The following FNIP1 variants were observed in gnomAD, a reference collection of about 807,000 sequenced individuals.
FNIP1 encodes folliculin interacting protein 1.
In FNIP1, 40 loss-of-function variants were observed where a neutral mutation model predicts 124.5. That is an observed-to-expected ratio of 0.32 (90% CI 0.25 to 0.42). The LOEUF (loss-of-function observed/expected upper bound fraction) is 0.42, where lower values mean the gene tolerates loss of function less well. Ranked by LOEUF, FNIP1 falls within the 10% of genes least tolerant of loss-of-function variation. FNIP1 has a pLI of 1.00. For synonymous variants in FNIP1, 472 were observed against 470.6 expected (o/e 1.00, Z -0.04); for missense variants, 1,176 against 1,403.7 (o/e 0.84, Z 2.59).
chr5:131,780,623 C>G (rs1031414083), intron 1 of FNIP1, among the ~76,000 whole-genome samples: 1 of 151,814 alleles, frequency 6.6e-6, no homozygotes, highest in Admixed American at 6.6e-5. Flanking sequence ...ATTATTTGAC[C>G]TATTATGGTG....
chr5:131,771,580 T>C (rs1771634733), intron 1 of FNIP1, among the ~76,000 whole-genome samples: 1 of 152,156 alleles, frequency 6.6e-6, no homozygotes, highest in African/African-American at 2.4e-5. Context: ...AGTCTACTCA[T>C]CCAGACACTC....
chr5:131,688,891 T>C (rs150105781), intron 11 of FNIP1, among the ~76,000 whole-genome samples: 1 of 151,760 alleles, frequency 6.6e-6, no homozygotes, highest in African/African-American at 2.4e-5. Flanking sequence ...AAAGTATACA[T>C]GTAATAAATA....
chr5:131,765,175 C>G (rs1390786799), intron 1 of FNIP1, among the ~76,000 whole-genome samples: 1 of 151,782 alleles, frequency 6.6e-6, no homozygotes, highest in African/African-American at 2.4e-5. Flanking sequence ...TGAGCTGTGA[C>G]AATGTTACTG....
chr5:131,717,230 A>G (rs915368946), intron 5 of FNIP1, among the ~76,000 whole-genome samples: 1 of 151,210 alleles, frequency 6.6e-6, no homozygotes, highest in African/African-American at 2.4e-5. Context: ...GAGTGAGAAC[A>G]TGTGGTGTTT....
At chr5:131,731,069 T>A in intron 2 of FNIP1, 31 bp from the exon 3 acceptor site, 1 of 1,578,898 alleles carries the variant, frequency 6.3e-7, no homozygotes, top group Non-Finnish European at 8.6e-7. Flanking sequence ...ACTCATGTTT[T>A]AACAGATTTT....
rs146276023 is a variant in FNIP1 at position 131,689,602 on chromosome 5, T to G, written c.1202+9315A>C. ...CCCTGTGAAGCAGTACATGGTTATT[T>G]GAAAGTTGTAAATGTGTATTGCCAA... is the stretch of plus-strand genomic sequence containing the variant. On this transcript the variant is annotated intron_variant, in intron 11 of 17. Coordinates refer to ENST00000510461, the MANE Select transcript of FNIP1 (RefSeq NM_133372.3). Among the ~76,000 whole-genome samples, 4 of 152,300 alleles carry G rather than the reference T, an allele frequency of 2.6e-5. No individual in the cohort carries two copies. In the East Asian group the frequency reaches 5.8e-4, roughly 22 times the overall value.
At chr5:131,672,980 G>T in intron 13 of FNIP1, 56 bp from the exon 14 acceptor site, 3 of 1,257,830 alleles carry the variant, frequency 2.4e-6, no homozygotes, top group Non-Finnish European at 3.3e-6. Context: ...AGCTAAGTAA[G>T]CTATTTTTAA....
At chr5:131,683,319 C>G (rs189225759) in intron 11 of FNIP1, among the ~76,000 whole-genome samples, 8 of 151,828 alleles carry the variant, frequency 5.3e-5, no homozygotes, top group Non-Finnish European at 8.8e-5. Context: ...GAGGCCGAGG[C>G]AGGCAGATCA....
intron 1 of FNIP1, among the ~76,000 whole-genome samples, chr5:131,756,077 G>A (rs1771042633): frequency 6.6e-6 from 1 of 151,950 alleles, no homozygotes. Context: ...GTTGCAGAAA[G>A]ACCAAAATTT....
intron 1 of FNIP1, among the ~76,000 whole-genome samples, chr5:131,771,044 C>T (rs1454417315): frequency 8.5e-5 from 13 of 152,144 alleles, no homozygotes; most frequent in Non-Finnish European, 1.8e-4. Flanking sequence ...CCCACTAACT[C>T]GTCATCTAGC....
rs778103938 is a variant in FNIP1 at position 131,670,645 on chromosome 5, G to A, written c.2940-14C>T. 2 of 1,560,850 alleles carry A rather than the reference G, an allele frequency of 1.3e-6. No homozygotes were observed. The highest frequency in any genetic ancestry group is 2.3e-5 in the East Asian group (1 of 43,422). ...ATTAACTTTGACCTGGAAGAAAAAT[G>A]CCCCCAAAAGACATTTATTTAGTAA... On this transcript the variant is annotated splice_polypyrimidine_tract_variant and intron_variant, in intron 14 of 17. Coordinates refer to ENST00000510461, the MANE Select transcript of FNIP1 (RefSeq NM_133372.3).
rs943169637 is a variant in FNIP1 at position 131,735,515 on chromosome 5, C to T, written c.220-4477G>A. The stretch of plus-strand genomic sequence containing the variant: ...TATACGTATAAAATATGTATATATA[C>T]GTATATACATATATACGTATTTATA... On this transcript the variant is annotated intron_variant, in intron 2 of 17. Transcript: ENST00000510461. Among the ~76,000 whole-genome samples the T allele has an allele frequency of 9.6e-5, 14 of 146,574 alleles. No individual in the cohort carries two copies. The South Asian group carries it at 1.5e-3, about 15-fold the overall frequency.
At chr5:131,669,011 G>C (rs1459107006) in intron 15 of FNIP1, among the ~76,000 whole-genome samples, 1 of 152,054 alleles carries the variant, frequency 6.6e-6, no homozygotes, top group African/African-American at 2.4e-5. Flanking sequence ...CAAAATTCAG[G>C]AACAAAAGAG....
At chr5:131,667,471 G>A (rs996602928) in intron 15 of FNIP1, among the ~76,000 whole-genome samples, 2 of 152,170 alleles carry the variant, frequency 1.3e-5, no homozygotes, top group Admixed American at 6.5e-5. Context: ...ACTTTCTACA[G>A]ACACAGAAGG....
chr5:131,731,527 G>A (rs1770092639), intron 2 of FNIP1, among the ~76,000 whole-genome samples: 1 of 151,946 alleles, frequency 6.6e-6, no homozygotes, highest in Non-Finnish European at 1.5e-5. Flanking sequence ...GGTGGCACAT[G>A]CCTGTAATCC....
At position 131,657,736 on chromosome 5, in the gene FNIP1, C is replaced by CAAAAAAAAAAAAAAAAAAAAA. The variant is rs59097834; in HGVS notation, c.3109-5758_3109-5738dup. 4.6e-5 allele frequency among the ~76,000 whole-genome samples: 3 copies of CAAAAAAAAAAAAAAAAAAAAA among 65,056 alleles called. 1 individual carries two copies. The highest frequency in any genetic ancestry group is 1.9e-4 in the African/African-American group (3 of 16,148). 42.7% of individuals were successfully genotyped at this position (65,056 alleles called of 152,430 possible). A position where few individuals can be genotyped will look rare whatever the true frequency, so the allele number is the denominator to read the frequency against. On this transcript the variant is annotated intron_variant, in intron 15 of 17. Transcript: ENST00000510461. The stretch of plus-strand genomic sequence containing the variant: ...ATGATGAAAGAGCTTGAAAATAAGG[C>CAAAAAAAAAAAAAAAAAAAAA]AAAAAAAAAAAAAAAAAAAAAACGG...
At chr5:131,763,319 A>ACG (rs1228588630) in intron 1 of FNIP1, among the ~76,000 whole-genome samples, 1 of 150,888 alleles carries the variant, frequency 6.6e-6, no homozygotes, top group African/African-American at 2.5e-5. Flanking sequence ...ACACACACAC[A>ACG]CACACACGAC....
At position 131,716,566 on chromosome 5, in the gene FNIP1, T is replaced by C. The variant is rs1454554903; in HGVS notation, c.621A>G (p.Ile207Met). The change falls in exon 6 of 18, where the codon ATA becomes ATG. Residue 207 changes from isoleucine to methionine, a missense_variant and splice_region_variant. Coordinates refer to ENST00000510461, the MANE Select transcript of FNIP1 (RefSeq NM_133372.3). ...TATAAAATCAAAGGAACCATTTACC[T>C]ATATTTCCAAGCAGTCCATTAATAA... Reference protein sequence around the residue: ...NTVINGLLGNIGLSQFCSPRR... With the variant: ...NTVINGLLGNMGLSQFCSPRR... 1.9e-6 allele frequency: 3 copies of C among 1,580,436 alleles called. No individual in the cohort carries two copies. Among genetic ancestry groups the C allele is most frequent in the Non-Finnish European group, 2.6e-6 (3 of 1,159,020 alleles).
At chr5:131,706,266 C>A in intron 9 of FNIP1, 145 bp downstream of exon 9, 1 of 911,558 alleles carries the variant, frequency 1.1e-6, no homozygotes, top group Non-Finnish European at 1.5e-6. Flanking sequence ...TAACTTACCA[C>A]AATTTTAAAA....
Sources: gnomAD v4.1 joint callset for allele counts (sites outside exome capture counted in the v4.1 genomes callset) on GRCh38, gnomAD v4.1.1 for gene constraint, MANE v1.5 for transcripts, NCBI Gene and HGNC (gene_info 2026-07-23, HGNC 2026-07-21) for gene names.